The following FAM193A variants were observed in gnomAD, a reference collection of about 807,000 sequenced individuals.
The protein encoded by FAM193A is protein FAM193A.
FAM193A carries 22 observed loss-of-function variants against 126.5 expected under a neutral mutation model. That is an observed-to-expected ratio of 0.17 (90% CI 0.12 to 0.25). FAM193A has a LOEUF of 0.25. FAM193A is among the 10% of genes least tolerant of loss of function. The pLI is 1.00. For synonymous variants in FAM193A, 761 were observed against 646.8 expected (o/e 1.18, Z -2.68); for missense variants, 1,675 against 1,672.8 (o/e 1.00, Z -0.02).
At chr4:2,553,382 G>GT (rs71178479) in intron 1 of FAM193A, among the ~76,000 whole-genome samples, 2,252 of 119,556 alleles carry the variant, frequency 0.019, 62 homozygotes, top group African/African-American at 0.056. Flanking sequence ...CCTTCTTTTT[G>GT]TTTTTTTTTT....
intron 2 of FAM193A, among the ~76,000 whole-genome samples, chr4:2,606,611 G>C (rs1331730803): frequency 2.0e-5 from 3 of 152,198 alleles, no homozygotes; most frequent in Non-Finnish European, 4.4e-5. Flanking sequence ...CCATTGGTCT[G>C]TCTTGTCCTC....
Position 2,696,572 on chromosome 4 carries a change from A to T in FAM193A, c.3486A>T (p.Arg1162=). ...TGAGCAGCACGCGTGCAGCGAAGCG[A>T]GCAAGGCATAAGCAAAGGAAGGCAA... ...KPVSSTRAAK[R]ARHKQRKLEE... is the part of the protein sequence containing the mutation. The change falls in exon 18 of 21, where the codon CGA becomes CGT. Residue 1162 remains arginine (R), a synonymous_variant. Transcript: ENST00000637812. 2 of 1,614,220 alleles carry T rather than the reference A, an allele frequency of 1.2e-6. No individual in the cohort carries two copies. The highest frequency in any genetic ancestry group is 1.7e-6 in the Non-Finnish European group (2 of 1,180,018).
At chr4:2,610,101 G>A (rs1026945622) in intron 2 of FAM193A, among the ~76,000 whole-genome samples, 4 of 151,832 alleles carry the variant, frequency 2.6e-5, no homozygotes, top group East Asian at 1.9e-4. Context: ...GCTTGGTTGC[G>A]GGTGCCTGTA....
chr4:2,722,869 C>T (rs1410058407), intron 20 of FAM193A, among the ~76,000 whole-genome samples: 1 of 152,192 alleles, frequency 6.6e-6, no homozygotes, highest in Non-Finnish European at 1.5e-5. Context: ...TGCCACATTG[C>T]CCAGGCTGGT....
chr4:2,647,612 C>G (rs957165780), intron 7 of FAM193A, among the ~76,000 whole-genome samples: 2 of 152,120 alleles, frequency 1.3e-5, no homozygotes, highest in East Asian at 3.9e-4. Context: ...GGAGGTGGAT[C>G]TGAAGGGAGG....
chr4:2,720,879 A>G (rs1304592973), intron 20 of FAM193A, among the ~76,000 whole-genome samples: 1 of 152,194 alleles, frequency 6.6e-6, no homozygotes, highest in African/African-American at 2.4e-5. Context: ...TTAGTATCAT[A>G]AAAGCTGTCA....
chr4:2,605,753 C>T (rs1003704467), intron 2 of FAM193A, among the ~76,000 whole-genome samples: 13 of 152,098 alleles, frequency 8.5e-5, no homozygotes, highest in Admixed American at 3.9e-4. Context: ...GGGCGGATCA[C>T]CTGAGGTCAG....
chr4:2,619,990 C>T (rs1035738219), intron 2 of FAM193A, among the ~76,000 whole-genome samples: 6 of 152,188 alleles, frequency 3.9e-5, no homozygotes, highest in African/African-American at 1.2e-4. Flanking sequence ...TGCACCTGGC[C>T]TGGGGGATCT....
At chr4:2,673,144 G>A (rs547775833) in intron 13 of FAM193A, among the ~76,000 whole-genome samples, 4 of 152,012 alleles carry the variant, frequency 2.6e-5, no homozygotes, top group Non-Finnish European at 4.4e-5. Flanking sequence ...ATGACTCACC[G>A]TAATTCTGAT....
At chr4:2,656,705 G>T (rs945637376) in intron 7 of FAM193A, among the ~76,000 whole-genome samples, 1 of 152,200 alleles carries the variant, frequency 6.6e-6, no homozygotes, top group Non-Finnish European at 1.5e-5. Context: ...CTGCCAGGTT[G>T]TCAAGAGAAG....
intron 1 of FAM193A, among the ~76,000 whole-genome samples, chr4:2,546,413 AG>A (rs1394212505): frequency 9.2e-5 from 14 of 152,118 alleles, no homozygotes; most frequent in African/African-American, 3.1e-4. Flanking sequence ...CTCATGTTAT[AG>A]TTACACTCTC....
intron 2 of FAM193A, among the ~76,000 whole-genome samples, chr4:2,617,832 G>A (rs1043761365): frequency 2.0e-5 from 3 of 151,996 alleles, no homozygotes; most frequent in East Asian, 1.9e-4. Context: ...TTTAAATAGC[G>A]AATTATCTTT....
intron 20 of FAM193A, among the ~76,000 whole-genome samples, chr4:2,725,819 C>G (rs569255632): frequency 6.6e-6 from 1 of 152,004 alleles, no homozygotes; most frequent in Non-Finnish European, 1.5e-5. Context: ...TCACTTGATC[C>G]TCCCACCTCA....
intron 1 of FAM193A, among the ~76,000 whole-genome samples, chr4:2,563,324 A>G (rs1459378861): frequency 3.3e-5 from 5 of 152,204 alleles, no homozygotes; most frequent in African/African-American, 9.7e-5. Flanking sequence ...ATTTGTATGC[A>G]TGACACAGCT....
intron 20 of FAM193A, among the ~76,000 whole-genome samples, chr4:2,727,908 G>A (rs1026112904): frequency 2.0e-5 from 3 of 151,126 alleles, no homozygotes; most frequent in African/African-American, 4.9e-5. Flanking sequence ...CTACAGATGC[G>A]CCACCATGCC....
chr4:2,721,138 C>T (rs1466588144), intron 20 of FAM193A, among the ~76,000 whole-genome samples: 1 of 151,908 alleles, frequency 6.6e-6, no homozygotes, highest in African/African-American at 2.4e-5. Context: ...ACGGTGAAAC[C>T]CCGTCTCTAC....
chr4:2,657,669 CTT>C (rs1274267113), intron 7 of FAM193A, 132 bp from the exon 8 acceptor site: 2 of 610,384 alleles, frequency 3.3e-6, no homozygotes, highest in East Asian at 2.7e-5. Flanking sequence ...AGTATTGTAT[CTT>C]TATTCTGTTT....
intron 2 of FAM193A, among the ~76,000 whole-genome samples, chr4:2,623,470 G>A (rs1220989808): frequency 1.3e-5 from 2 of 152,066 alleles, no homozygotes; most frequent in Non-Finnish European, 2.9e-5. Context: ...GCGCCTGGCC[G>A]GTCCCCTGCT....
chr4:2,690,715 C>A lies in FAM193A; in HGVS notation c.2548C>A (p.Pro850Thr). 1 of 1,613,070 alleles carries A rather than the reference C, an allele frequency of 6.2e-7. No individual in the cohort carries two copies. The highest frequency in any genetic ancestry group is 8.5e-7 in the Non-Finnish European group (1 of 1,179,624). ...CTTTGAAGGGAGTGAAATATTAGGG[C>A]CAACACTCTCAGAAACAAGACCGGA... ...DTISGSEILG[P>T]TLSETRPEAL... The change falls in exon 15 of 21, where the codon CCA becomes ACA. Residue 850 changes from proline to threonine, a missense_variant. Pro to Thr is a conservative substitution (Grantham distance 38). This residue lies in a region of FAM193A where 1,186 missense variants were observed against 1,109.2 expected (regional missense o/e 1.07). Coordinates refer to ENST00000637812, the MANE Select transcript of FAM193A (RefSeq NM_001366318.2).
Sources: allele counts gnomAD v4.1 joint callset (sites outside exome capture counted in the v4.1 genomes callset), GRCh38; gene constraint gnomAD v4.1.1; regional missense constraint gnomAD v4.1.1; transcripts MANE v1.5; gene names NCBI Gene and HGNC (gene_info 2026-07-23, HGNC 2026-07-21).